CCDC90B: variants seen among roughly 807,000 people sequenced by gnomAD.
CCDC90B encodes coiled-coil domain containing 90B, also known as coiled-coil domain-containing protein 90B, mitochondrial.
In CCDC90B, 24 loss-of-function variants were observed where a neutral mutation model predicts 37.0. The ratio of observed to expected loss-of-function variants is 0.65; its 90% CI spans 0.47 to 0.91. The LOEUF (loss-of-function observed/expected upper bound fraction) is 0.91, where lower values mean the gene tolerates loss of function less well. Ranked by LOEUF, CCDC90B falls within the 40% of genes least tolerant of loss-of-function variation. CCDC90B has a pLI of 0.00. For synonymous variants in CCDC90B, 113 were observed against 101.1 expected (o/e 1.12, Z -0.71); for missense variants, 319 against 299.0 (o/e 1.07, Z -0.49).
chr11:83,268,158 T>C (rs1418633198), intron 7 of CCDC90B, among the ~76,000 whole-genome samples: 2 of 152,062 alleles, frequency 1.3e-5, no homozygotes, highest in African/African-American at 2.4e-5. Context: ...ACATGCCAAA[T>C]TGTAAAGACC....
intron 4 of CCDC90B, 82 bp downstream of exon 4, chr11:83,274,557 G>T: frequency 1.4e-6 from 1 of 723,920 alleles, no homozygotes; most frequent in Non-Finnish European, 2.3e-6. Flanking sequence ...ATTATTACTT[G>T]GTCTTATTAA....
intron 7 of CCDC90B, among the ~76,000 whole-genome samples, chr11:83,269,018 G>A (rs1480073011): frequency 6.6e-6 from 1 of 152,034 alleles, no homozygotes; most frequent in Admixed American, 6.5e-5. Context: ...ATGACTACTG[G>A]GTACATAACG....
intron 8 of CCDC90B, among the ~76,000 whole-genome samples, chr11:83,265,012 G>T (rs1210526505): frequency 1.3e-5 from 2 of 151,704 alleles, no homozygotes; most frequent in Non-Finnish European, 2.9e-5. Context: ...AATGCTAAAT[G>T]ACGAGTTACT....
chr11:83,283,823 A>G (rs1251263888), intron 1 of CCDC90B, among the ~76,000 whole-genome samples: 1 of 152,128 alleles, frequency 6.6e-6, no homozygotes, highest in Non-Finnish European at 1.5e-5. Flanking sequence ...CTAGCTGGGC[A>G]TGGTGGTGTG....
intron 2 of CCDC90B, among the ~76,000 whole-genome samples, 174 bp downstream of exon 2, chr11:83,279,967 A>G (rs527702231): frequency 1.3e-5 from 2 of 152,212 alleles, no homozygotes; most frequent in African/African-American, 2.4e-5. Flanking sequence ...AACATTCCCC[A>G]TATCAGTAAA....
chr11:83,278,490 T>G (rs1381516327), intron 3 of CCDC90B, among the ~76,000 whole-genome samples: 1 of 152,242 alleles, frequency 6.6e-6, no homozygotes, highest in African/African-American at 2.4e-5. Flanking sequence ...TATAATGATC[T>G]CATCCCATCA....
rs1219758417 is a variant in CCDC90B, at chr11:83,274,642, A to C, written c.423T>G (p.Asn141Lys). The change falls in exon 4 of 9, where the codon AAT becomes AAG. Residue 141 changes from asparagine (N) to lysine (K), a missense_variant. By Grantham distance (94) the Asn-to-Lys change is moderately conservative (BLOSUM62 0). Transcript: ENST00000529689. ...AATAAATTAAAATTTGTATCACCTC[A>C]TTCTCTGCTCTCAGATTTGCAAATT... The part of the protein sequence containing the change: ...KSEFANLRAE[N>K]EKMKIELDQV... 6.3e-7 allele frequency: 1 copy of C among 1,590,656 alleles called. No homozygotes were observed. The highest frequency in any genetic ancestry group is 1.1e-5 in the South Asian group (1 of 88,892).
chr11:83,269,080 C>A (rs1446342164), intron 7 of CCDC90B, among the ~76,000 whole-genome samples: 2 of 152,112 alleles, frequency 1.3e-5, no homozygotes, highest in Non-Finnish European at 2.9e-5. Context: ...AACAAAGACA[C>A]AACGTACCAG....
rs1293055024 is a variant in CCDC90B, at chr11:83,285,541, AAC to A, written c.100+330_100+331del. ...CACAAAAGAAAACAGGACACCCTCAAACACAGATTACCTTACGTTGGCTCCTG... is the reference window on the plus strand; with the variant it reads ...CACAAAAGAAAACAGGACACCCTCAAACAGATTACCTTACGTTGGCTCCTG... On this transcript the variant is annotated intron_variant, in intron 1 of 8. Coordinates refer to ENST00000529689, the MANE Select transcript of CCDC90B (RefSeq NM_021825.5). 6 of 1,190,952 alleles carry A rather than the reference AAC, an allele frequency of 5.0e-6. No individual in the cohort carries two copies. In the Admixed American group the frequency reaches 1.8e-4, roughly 35 times the overall value. The allele number at this position is 1,190,952 out of a possible 1,614,324, so 73.8% of individuals were successfully genotyped here. A position where few individuals can be genotyped will look rare whatever the true frequency, so the allele number is the denominator to read the frequency against.
At position 83,286,277 on chromosome 11, in the gene CCDC90B, T is replaced by A; in HGVS notation, c.-305A>T. On this transcript the variant is annotated 5_prime_UTR_variant, in exon 1 of 9. Coordinates refer to ENST00000529689, the MANE Select transcript of CCDC90B (RefSeq NM_021825.5). ...GTCAGAGAACCTTCCGGCGCCTGTT[T>A]CCTGGCAGTGGGGCATAGTCCAACA... 8.5e-6 allele frequency: 11 copies of A among 1,298,650 alleles called. No homozygotes were observed. Among genetic ancestry groups the A allele is most frequent in the Non-Finnish European group, 1.2e-5 (11 of 945,908 alleles). The allele number at this position is 1,298,650 out of a possible 1,614,324, so 80.4% of individuals were successfully genotyped here.
chr11:83,262,511 C>T (rs551057052), intron 8 of CCDC90B, among the ~76,000 whole-genome samples: 25 of 152,210 alleles, frequency 1.6e-4, no homozygotes, highest in African/African-American at 5.5e-4. Context: ...TGTACTTTAG[C>T]TTACATCATT....
Position 83,286,254 on chromosome 11 carries a change from C to T in CCDC90B, c.-282G>A, listed in dbSNP as rs902591146. 4.8e-6 allele frequency: 7 copies of T among 1,445,874 alleles called. No individual in the cohort carries two copies. The Admixed American group carries it at 1.5e-4, about 30-fold the overall frequency. The allele number at this position is 1,445,874 out of a possible 1,614,324, so 89.6% of individuals were successfully genotyped here. On this transcript the variant is annotated 5_prime_UTR_variant, in exon 1 of 9. Transcript: ENST00000529689. Reference sequence around the variant, plus strand: ...CCGCCCTAGGAAAGCGAGATCTTGTCAGAGAACCTTCCGGCGCCTGTTTCC... The same window carrying T: ...CCGCCCTAGGAAAGCGAGATCTTGTTAGAGAACCTTCCGGCGCCTGTTTCC...
intron 7 of CCDC90B, among the ~76,000 whole-genome samples, chr11:83,269,893 G>A (rs1190459577): frequency 6.6e-6 from 1 of 152,216 alleles, no homozygotes; most frequent in Non-Finnish European, 1.5e-5. Context: ...GAACGTCGAT[G>A]CGAAAATCCT....
At chr11:83,285,403 T>G in intron 1 of CCDC90B, 1 of 1,154,838 alleles carries the variant, frequency 8.7e-7, no homozygotes, top group East Asian at 6.7e-5. Context: ...TGAAATGTAC[T>G]GAGAATTCCA....
Position 83,259,380 on chromosome 11 carries a change from G to C in CCDC90B, c.*2531C>G, listed in dbSNP as rs1863835080. 3 of 152,086 alleles carry C rather than the reference G, an allele frequency of 2.0e-5. No homozygotes were observed. Among genetic ancestry groups the C allele is most frequent in the African/African-American group, 7.2e-5 (3 of 41,408 alleles). 9.4% of individuals were successfully genotyped at this position (152,086 alleles called of 1,614,324 possible). A position where few individuals can be genotyped will look rare whatever the true frequency, so the allele number is the denominator to read the frequency against. ...AAGGATATAGGATCTAAAAGTAATG[G>C]GGACAGGGTATGGTATGCATATTTC... On this transcript the variant is annotated 3_prime_UTR_variant, in exon 9 of 9. Coordinates refer to ENST00000529689, the MANE Select transcript of CCDC90B (RefSeq NM_021825.5).
At position 83,260,497 on chromosome 11, in the gene CCDC90B, A is replaced by T. The variant is rs1863879824; in HGVS notation, c.*1414T>A. 6.6e-6 allele frequency: 1 copy of T among 152,238 alleles called. No individual in the cohort carries two copies. The highest frequency in any genetic ancestry group is 2.4e-5 in the African/African-American group (1 of 41,476). The allele number at this position is 152,238 out of a possible 1,614,324, so 9.4% of individuals were successfully genotyped here. On this transcript the variant is annotated 3_prime_UTR_variant, in exon 9 of 9. Transcript: ENST00000529689. ...GATAATGTCAAGGTTTTTCTTTTGAAAACAAACCAGCAGTTAGATTTTTGA... is the reference window on the plus strand; with the variant it reads ...GATAATGTCAAGGTTTTTCTTTTGATAACAAACCAGCAGTTAGATTTTTGA...
intron 8 of CCDC90B, among the ~76,000 whole-genome samples, chr11:83,264,088 C>A (rs657324): frequency 0.71 from 108,381 of 152,132 alleles, 39,359 homozygotes; most frequent in African/African-American, 0.84. Flanking sequence ...ACAGGGCCAC[C>A]AAGATATGTG....
At position 83,280,067 on chromosome 11, in the gene CCDC90B, T is replaced by C. The variant is rs1778687105; in HGVS notation, c.220+74A>G. 2.1e-6 allele frequency: 3 copies of C among 1,430,286 alleles called. No homozygotes were observed. The South Asian group carries it at 3.9e-5, about 19-fold the overall frequency. The allele number at this position is 1,430,286 out of a possible 1,614,324, so 88.6% of individuals were successfully genotyped here. ...TTTAGTTACTTTTGATTGTTCATAA[T>C]AGTGATATTGTCTTAACTAGGCATT... On this transcript the variant is annotated intron_variant, in intron 2 of 8. Coordinates refer to ENST00000529689, the MANE Select transcript of CCDC90B (RefSeq NM_021825.5).
intron 1 of CCDC90B, chr11:83,285,095 G>C: frequency 8.5e-7 from 1 of 1,175,062 alleles, no homozygotes; most frequent in South Asian, 1.5e-5. Context: ...TAACAGCGTA[G>C]AAGTGTTTGG....
Sources: allele counts gnomAD v4.1 joint callset (sites outside exome capture counted in the v4.1 genomes callset), GRCh38; gene constraint gnomAD v4.1.1; transcripts MANE v1.5; gene names NCBI Gene and HGNC (gene_info 2026-07-23, HGNC 2026-07-21).